The following MARCHF1 variants were observed in gnomAD, a reference collection of about 807,000 sequenced individuals.
MARCHF1 encodes E3 ubiquitin-protein ligase MARCHF1.
MARCHF1 carries 40 observed loss-of-function variants against 54.2 expected under a neutral mutation model. That is an observed-to-expected ratio of 0.74 (90% CI 0.57 to 0.96). The LOEUF is 0.96. Ranked by LOEUF, MARCHF1 falls within the 40% of genes least tolerant of loss-of-function variation. MARCHF1 has a pLI of 0.00. For synonymous variants in MARCHF1, 236 were observed against 236.3 expected (o/e 1.00, Z 0.01); for missense variants, 586 against 656.5 (o/e 0.89, Z 1.17).
intron 1 of MARCHF1, among the ~76,000 whole-genome samples, chr4:164,236,156 C>T (rs1025291419): frequency 1.3e-5 from 2 of 152,016 alleles, no homozygotes; most frequent in African/African-American, 2.4e-5. Flanking sequence ...TTTGTCAGTC[C>T]CACTAGTTTA....
intron 1 of MARCHF1, among the ~76,000 whole-genome samples, chr4:164,282,906 C>T (rs566846382): frequency 6.6e-6 from 1 of 151,374 alleles, no homozygotes; most frequent in Non-Finnish European, 1.5e-5. Flanking sequence ...TCCAGTATAT[C>T]TATCAAGCAC....
chr4:163,900,376 A>G (rs190237258), intron 3 of MARCHF1, among the ~76,000 whole-genome samples: 6 of 152,016 alleles, frequency 3.9e-5, no homozygotes, highest in African/African-American at 1.4e-4. Flanking sequence ...ATGTTTACAC[A>G]TAGTGAACTT....
At chr4:164,121,217 G>A (rs879317103) in intron 1 of MARCHF1, among the ~76,000 whole-genome samples, 1 of 152,088 alleles carries the variant, frequency 6.6e-6, no homozygotes, top group Non-Finnish European at 1.5e-5. Context: ...GGAAAATCTA[G>A]AAGAAATGGA....
chr4:163,744,185 A>G lies in MARCHF1; in HGVS notation c.112-43322T>C, dbSNP rs1746290657. Among the ~76,000 whole-genome samples, 3 of 152,208 alleles carry G rather than the reference A, an allele frequency of 2.0e-5. No homozygotes were observed. The South Asian group carries it at 6.2e-4, about 31-fold the overall frequency. On this transcript the variant is annotated intron_variant, in intron 4 of 9. Transcript: ENST00000514618. ...TACTGTGTGCATTTATTTCGCCAAGACAAGGTTTCCAAGGACCCACTGGTT... is the reference window on the plus strand; with the variant it reads ...TACTGTGTGCATTTATTTCGCCAAGGCAAGGTTTCCAAGGACCCACTGGTT...
intron 1 of MARCHF1, among the ~76,000 whole-genome samples, chr4:164,282,127 G>A (rs1196841882): frequency 2.0e-5 from 3 of 150,932 alleles, no homozygotes; most frequent in Non-Finnish European, 4.4e-5. Context: ...TTTACATGGA[G>A]TTTGTTTCTT....
At chr4:164,124,543 CAAATGGATA>C in intron 1 of MARCHF1, among the ~76,000 whole-genome samples, 1 of 152,088 alleles carries the variant, frequency 6.6e-6, no homozygotes, top group East Asian at 1.9e-4. Context: ...CATCGACAGA[CAAATGGATA>C]AAGAAAATGT....
intron 1 of MARCHF1, among the ~76,000 whole-genome samples, chr4:164,209,449 G>A (rs79997185): frequency 0.03 from 4,520 of 152,102 alleles, 84 homozygotes; most frequent in Non-Finnish European, 0.046. Flanking sequence ...TAACTACAAC[G>A]CAATCTGGAG....
intron 1 of MARCHF1, among the ~76,000 whole-genome samples, chr4:164,279,647 G>A (rs1360761519): frequency 2.0e-5 from 3 of 151,534 alleles, no homozygotes; most frequent in African/African-American, 7.2e-5. Flanking sequence ...TGTATCCCAC[G>A]AATATGTACA....
intron 2 of MARCHF1, among the ~76,000 whole-genome samples, chr4:164,051,702 C>A (rs1478220754): frequency 6.6e-6 from 1 of 152,118 alleles, no homozygotes; most frequent in East Asian, 1.9e-4. Flanking sequence ...CAGCATTTAT[C>A]CTAGGTCTAA....
intron 1 of MARCHF1, chr4:164,197,696 G>A (rs747384089): frequency 2.5e-5 from 40 of 1,612,222 alleles, no homozygotes; most frequent in Non-Finnish European, 3.3e-5. Context: ...GAATGAATCC[G>A]TCTGCCCATC....
chr4:164,219,959 C>T (rs1311291752), intron 1 of MARCHF1, among the ~76,000 whole-genome samples: 5 of 151,786 alleles, frequency 3.3e-5, no homozygotes, highest in East Asian at 3.9e-4. Context: ...ATTTCTATCC[C>T]GTAGATAATA....
intron 4 of MARCHF1, among the ~76,000 whole-genome samples, chr4:163,839,821 A>G (rs973625005): frequency 6.6e-6 from 1 of 152,152 alleles, no homozygotes; most frequent in Admixed American, 6.6e-5. Flanking sequence ...CTGTAAATAT[A>G]TTAAAACCAC....
Position 163,525,888 on chromosome 4 carries a change from T to A in MARCHF1, c.*2860A>T, listed in dbSNP as rs944551244. The A allele has an allele frequency of 8.5e-5, 13 of 152,080 alleles. No homozygotes were observed. The highest frequency in any genetic ancestry group is 3.9e-4 in the Admixed American group (6 of 15,246). The allele number at this position is 152,080 out of a possible 1,614,324, so 9.4% of individuals were successfully genotyped here. A position where few individuals can be genotyped will look rare whatever the true frequency, so the allele number is the denominator to read the frequency against. ...GCAAATGTTCCATTGCCACACAGAA[T>A]GTAAAAAGAAAATAATCAACATTAG... On this transcript the variant is annotated 3_prime_UTR_variant, in exon 10 of 10. Transcript: ENST00000514618.
chr4:163,713,853 C>A (rs927255433), intron 4 of MARCHF1, among the ~76,000 whole-genome samples: 3 of 152,190 alleles, frequency 2.0e-5, no homozygotes, highest in African/African-American at 7.2e-5. Flanking sequence ...GAACCTTGGT[C>A]ACTTCTCGAA....
At chr4:163,683,691 T>G (rs1744179172) in intron 5 of MARCHF1, among the ~76,000 whole-genome samples, 2 of 152,200 alleles carry the variant, frequency 1.3e-5, no homozygotes, top group African/African-American at 4.8e-5. Context: ...AGGGACCTGC[T>G]TGGAAAAGGT....
chr4:163,900,553 C>G (rs1006697992), intron 3 of MARCHF1, among the ~76,000 whole-genome samples: 2 of 152,124 alleles, frequency 1.3e-5, no homozygotes, highest in African/African-American at 4.8e-5. Flanking sequence ...GATATTTCTT[C>G]AATCCAGTCT....
At chr4:164,258,144 G>A (rs1341199674) in intron 1 of MARCHF1, among the ~76,000 whole-genome samples, 2 of 151,856 alleles carry the variant, frequency 1.3e-5, no homozygotes, top group Non-Finnish European at 2.9e-5. Context: ...CAGCAAACAC[G>A]GGAACAGAAA....
chr4:163,553,457 A>C (rs565641246), intron 8 of MARCHF1, among the ~76,000 whole-genome samples: 2 of 152,210 alleles, frequency 1.3e-5, no homozygotes, highest in South Asian at 4.1e-4. Context: ...CGGAATACTG[A>C]GTCTCATATG....
intron 1 of MARCHF1, among the ~76,000 whole-genome samples, chr4:164,379,503 A>G (rs1234674512): frequency 6.6e-6 from 1 of 152,236 alleles, no homozygotes; most frequent in Non-Finnish European, 1.5e-5. Context: ...GAAAGATAAC[A>G]ATCCACAAAT....
Sources: allele counts gnomAD v4.1 joint callset (sites outside exome capture counted in the v4.1 genomes callset), GRCh38; gene constraint gnomAD v4.1.1; transcripts MANE v1.5; gene names NCBI Gene and HGNC (gene_info 2026-07-23, HGNC 2026-07-21).